The following CFHR3 variants were observed in gnomAD, a reference collection of about 807,000 sequenced individuals.
The protein encoded by CFHR3 is complement factor H-related protein 3.
CFHR3 carries 22 observed loss-of-function variants against 36.0 expected under a neutral mutation model. The ratio of observed to expected loss-of-function variants is 0.61; its 90% CI spans 0.44 to 0.87. The LOEUF is 0.87. CFHR3 is among the 40% of genes least tolerant of loss of function. The pLI, the probability that CFHR3 is intolerant of heterozygous loss-of-function variation, is 0.00. For synonymous variants in CFHR3, 97 were observed against 137.4 expected, an observed-to-expected ratio of 0.71 and a Z score of 2.06; for missense variants, 276 against 401.3, an observed-to-expected ratio of 0.69 and a Z score of 2.67.
chr1:196,778,752 A>G (rs1653830219), intron 1 of CFHR3, among the ~76,000 whole-genome samples: 1 of 136,560 alleles, frequency 7.3e-6, no homozygotes, highest in African/African-American at 3.1e-5. Context: ...TTTCCAAAAA[A>G]CAATTATTGG....
At position 196,794,047 on chromosome 1, in the gene CFHR3, G is replaced by C. The variant is rs555047627; in HGVS notation, c.*534G>C. The C allele has an allele frequency of 8.0e-4, 114 of 143,066 alleles. 17 individuals carry two copies. The highest frequency in any genetic ancestry group is 1.6e-3 in the South Asian group (7 of 4,468). 8.9% of individuals were successfully genotyped at this position (143,066 alleles called of 1,614,324 possible). A position where few individuals can be genotyped will look rare whatever the true frequency, so the allele number is the denominator to read the frequency against. On this transcript the variant is annotated 3_prime_UTR_variant, in exon 6 of 6. Transcript: ENST00000367425. ...ATGATTTAAAGGAAATAGTACTAGA[G>C]AAGGTGAATTATTATCATTTTCCTG... is the stretch of plus-strand genomic sequence containing the variant.
In CFHR3 at chr1:196,793,510, A is replaced by G; in HGVS notation, c.990A>G (p.Glu330=). Residue 330 remains glutamate, a synonymous_variant, in exon 6 of 6, where the codon GAA becomes GAG. Transcript: ENST00000367425. ...GGATAGTGGAATACCCCAGATGCGA[A>G]TAAGGCAGCATTGTTACCCTAAATG... is the stretch of plus-strand genomic sequence containing the variant. ...REGIVEYPRC[E] The G allele has an allele frequency of 6.6e-7, 1 of 1,522,544 alleles. No individual in the cohort carries two copies. The highest frequency in any genetic ancestry group is 8.9e-7 in the Non-Finnish European group (1 of 1,125,722). The allele number at this position is 1,522,544 out of a possible 1,614,324, so 94.3% of individuals were successfully genotyped here. A position where few individuals can be genotyped will look rare whatever the true frequency, so the allele number is the denominator to read the frequency against.
chr1:196,795,349 G>A lies in CFHR3; in HGVS notation c.*1836G>A, dbSNP rs1482378346. 2 of 137,092 alleles carry A rather than the reference G, an allele frequency of 1.5e-5. 1 individual carries two copies. Among genetic ancestry groups the A allele is most frequent in the African/African-American group, 6.1e-5 (2 of 32,774 alleles). The allele number at this position is 137,092 out of a possible 1,614,324, so 8.5% of individuals were successfully genotyped here. On this transcript the variant is annotated 3_prime_UTR_variant, in exon 6 of 6. Coordinates refer to ENST00000367425, the MANE Select transcript of CFHR3 (RefSeq NM_021023.6). ...CTCATTCACCTTCTGTCATGATGGT[G>A]AGGCCTTCCCAGCAATGTGGAACTG...
rs1653822840 is a variant in CFHR3 at position 196,778,565 on chromosome 1, TA to T, written c.59-596del. 1.5e-5 allele frequency among the ~76,000 whole-genome samples: 2 copies of T among 136,688 alleles called. 1 individual carries two copies. The highest frequency in any genetic ancestry group is 6.1e-5 in the African/African-American group (2 of 32,816). The allele number at this position is 136,688 out of a possible 152,430, so 89.7% of individuals were successfully genotyped here. A position where few individuals can be genotyped will look rare whatever the true frequency, so the allele number is the denominator to read the frequency against. On this transcript the variant is annotated intron_variant, in intron 1 of 5. Coordinates refer to ENST00000367425, the MANE Select transcript of CFHR3 (RefSeq NM_021023.6). ...ATATTTGAACATTCGTGTATGCACC[TA>T]TTTTTTTATGTCAATAATATATCTC...
Position 196,779,133 on chromosome 1 carries a change from A to G in CFHR3, c.59-29A>G. 2.8e-6 allele frequency: 4 copies of G among 1,421,398 alleles called. 1 individual carries two copies. The highest frequency in any genetic ancestry group is 3.9e-6 in the Non-Finnish European group (4 of 1,038,666). 88.0% of individuals were successfully genotyped at this position (1,421,398 alleles called of 1,614,324 possible). On this transcript the variant is annotated intron_variant, in intron 1 of 5. Coordinates refer to ENST00000367425, the MANE Select transcript of CFHR3 (RefSeq NM_021023.6). ...TGATTTATTACAGTAAAAATTATTTATACTTTTTTGTTTGTTTTTTATTGC... is the reference window on the plus strand; with the variant it reads ...TGATTTATTACAGTAAAAATTATTTGTACTTTTTTGTTTGTTTTTTATTGC...
At chr1:196,788,112 A>C (rs1654278471) in intron 3 of CFHR3, 104 bp from the exon 4 acceptor site, 1 of 804,972 alleles carries the variant, frequency 1.2e-6, no homozygotes, top group Admixed American at 3.6e-5. Context: ...ATTCATTAAC[A>C]AATGTTTCAT....
rs1240677854 is a variant in CFHR3 at position 196,775,956 on chromosome 1, A to C, written c.58+1012A>C. Among the ~76,000 whole-genome samples, 6 of 132,672 alleles carry C rather than the reference A, an allele frequency of 4.5e-5. 2 individuals are homozygous for C. The highest frequency in any genetic ancestry group is 9.6e-5 in the Non-Finnish European group (6 of 62,758). The allele number at this position is 132,672 out of a possible 152,430, so 87.0% of individuals were successfully genotyped here. A position where few individuals can be genotyped will look rare whatever the true frequency, so the allele number is the denominator to read the frequency against. On this transcript the variant is annotated intron_variant, in intron 1 of 5. Coordinates refer to ENST00000367425, the MANE Select transcript of CFHR3 (RefSeq NM_021023.6). Reference sequence around the variant, plus strand: ...TTTAAGTTTTATAGTATTATCTATCACATGATTTGCTAGTTTTATTTGTTG... The same window carrying C: ...TTTAAGTTTTATAGTATTATCTATCCCATGATTTGCTAGTTTTATTTGTTG...
chr1:196,784,543 T>C (rs188917517), intron 3 of CFHR3, among the ~76,000 whole-genome samples: 3,124 of 136,376 alleles, frequency 0.023, 843 homozygotes, highest in African/African-American at 0.092. Context: ...AATTGATCCC[T>C]TTACCATTAT....
chr1:196,786,582 C>A lies in CFHR3; in HGVS notation c.431-1634C>A, dbSNP rs1236081192. On this transcript the variant is annotated intron_variant, in intron 3 of 5. Transcript: ENST00000367425. ...ACTGCTATGCTAGCAATCAGAGAGA[C>A]TCCGTGGGCATAGGACCCTCTGAGC... 3.7e-5 allele frequency among the ~76,000 whole-genome samples: 5 copies of A among 136,124 alleles called. 2 individuals are homozygous for A. The highest frequency in any genetic ancestry group is 1.5e-4 in the African/African-American group (5 of 32,292). The allele number at this position is 136,124 out of a possible 152,430, so 89.3% of individuals were successfully genotyped here.
At position 196,792,745 on chromosome 1, in the gene CFHR3, G is replaced by C. The variant is rs191842734; in HGVS notation, c.797-572G>C. ...GACAGGGATAGATGATGTTGATAGA[G>C]AGAGAGATAACTGATAGATATTGAG... On this transcript the variant is annotated intron_variant, in intron 5 of 5. Transcript: ENST00000367425. 2.3e-5 allele frequency among the ~76,000 whole-genome samples: 3 copies of C among 130,978 alleles called. No homozygotes were observed. The East Asian group carries it at 6.0e-4, about 26-fold the overall frequency. The allele number at this position is 130,978 out of a possible 152,430, so 85.9% of individuals were successfully genotyped here.
rs1254536088 is a variant in CFHR3, at chr1:196,791,677, G to T, written c.796+1450G>T. On this transcript the variant is annotated intron_variant, in intron 5 of 5. Transcript: ENST00000367425. Reference sequence around the variant, plus strand: ...AGTATCCACTTCTGTAGATGATCATGTCCAAGTTTGAGCTCCAAACTATGC... The same window carrying T: ...AGTATCCACTTCTGTAGATGATCATTTCCAAGTTTGAGCTCCAAACTATGC... 6.8e-5 allele frequency among the ~76,000 whole-genome samples: 9 copies of T among 132,056 alleles called. 2 individuals carry two copies. The highest frequency in any genetic ancestry group is 9.4e-5 in the Non-Finnish European group (6 of 63,548). 86.6% of individuals were successfully genotyped at this position (132,056 alleles called of 152,430 possible).
At position 196,793,361 on chromosome 1, in the gene CFHR3, A is replaced by C. The variant is rs377447533; in HGVS notation, c.841A>C (p.Lys281Gln). The change falls in exon 6 of 6, where the codon AAG (lysine) becomes CAG (glutamine). Residue 281 changes from lysine (K) to glutamine (Q), a missense_variant. Lys to Gln is a moderately conservative substitution (Grantham distance 53, BLOSUM62 1). Transcript: ENST00000367425. ...TEENMNKNNI[K>Q]LKGRSDRKYY... ...AGAAAACATGAATAAAAATAACATA[A>C]AGTTAAAAGGAAGAAGTGACAGAAA... 1.2e-5 allele frequency: 19 copies of C among 1,522,092 alleles called. 3 individuals are homozygous for C. The highest frequency in any genetic ancestry group is 1.7e-5 in the Admixed American group (1 of 57,870). The allele number at this position is 1,522,092 out of a possible 1,614,324, so 94.3% of individuals were successfully genotyped here. A position where few individuals can be genotyped will look rare whatever the true frequency, so the allele number is the denominator to read the frequency against.
Position 196,783,481 on chromosome 1 carries a change from G to T in CFHR3, c.430+3508G>T, listed in dbSNP as rs543821569. On this transcript the variant is annotated intron_variant, in intron 3 of 5. Transcript: ENST00000367425. Reference sequence around the variant, plus strand: ...TATTGATTATTGCCACAATTTCAGAGCCTGTTATTGGTCTATTCAGAGATT... The same window carrying T: ...TATTGATTATTGCCACAATTTCAGATCCTGTTATTGGTCTATTCAGAGATT... Among the ~76,000 whole-genome samples the T allele has an allele frequency of 1.0e-3, 134 of 131,356 alleles. 33 individuals carry two copies. Among genetic ancestry groups the T allele is most frequent in the African/African-American group, 4.2e-3 (126 of 29,800 alleles). The allele number at this position is 131,356 out of a possible 152,430, so 86.2% of individuals were successfully genotyped here.
chr1:196,790,738 TAATAAATAAATAAATAAATAAATAAATA>T lies in CFHR3; in HGVS notation c.796+530_796+557del, dbSNP rs199831934. On this transcript the variant is annotated intron_variant, in intron 5 of 5. Coordinates refer to ENST00000367425, the MANE Select transcript of CFHR3 (RefSeq NM_021023.6). ...GACCCCATCTCCAAAAATAAAAAAA[TAATAAATAAATAAATAAATAAATAAATA>T]AATAAATAAATAAATAAAACAGAAG... Among the ~76,000 whole-genome samples the T allele has an allele frequency of 3.8e-5, 4 of 106,244 alleles. 1 individual carries two copies. The highest frequency in any genetic ancestry group is 1.8e-4 in the African/African-American group (4 of 22,360). 69.7% of individuals were successfully genotyped at this position (106,244 alleles called of 152,430 possible). A position where few individuals can be genotyped will look rare whatever the true frequency, so the allele number is the denominator to read the frequency against.
Position 196,794,416 on chromosome 1 carries a change from T to C in CFHR3, c.*903T>C, listed in dbSNP as rs553649024. Among the ~76,000 whole-genome samples, 9 of 137,360 alleles carry C rather than the reference T, an allele frequency of 6.6e-5. 1 individual carries two copies. Among genetic ancestry groups the C allele is most frequent in the Non-Finnish European group, 1.2e-4 (8 of 64,602 alleles). The allele number at this position is 137,360 out of a possible 152,430, so 90.1% of individuals were successfully genotyped here. ...GGGCAGAGGTTGAACTGAGCCAAGA[T>C]AGTGCCACTGCACTCCAGCCTGGGC... On this transcript the variant is annotated 3_prime_UTR_variant, in exon 6 of 6. Transcript: ENST00000367425.
At chr1:196,784,161 TGA>T (rs1207528445) in intron 3 of CFHR3, among the ~76,000 whole-genome samples, 2 of 136,838 alleles carry the variant, frequency 1.5e-5, no homozygotes, top group African/African-American at 3.1e-5. Context: ...CACTGTGGTC[TGA>T]GAGACAGTTT....
In CFHR3 at chr1:196,788,319, A is replaced by T. The variant is rs1247245302; in HGVS notation, c.534A>T (p.Gly178=). The T allele has an allele frequency of 5.9e-6, 9 of 1,527,068 alleles. No homozygotes were observed. The highest frequency in any genetic ancestry group is 8.0e-6 in the Non-Finnish European group (9 of 1,131,014). 94.6% of individuals were successfully genotyped at this position (1,527,068 alleles called of 1,614,324 possible). A position where few individuals can be genotyped will look rare whatever the true frequency, so the allele number is the denominator to read the frequency against. ...AAATACAATATAAATGTAAACCAGG[A>T]TATGCAACAGCAGATGGAAATTCTT... The part of the protein sequence containing the change: ...NKEIQYKCKP[G]YATADGNSSG... The change falls in exon 4 of 6, where the codon GGA becomes GGT. Residue 178 remains glycine, a synonymous_variant. Transcript: ENST00000367425.
rs1653840401 is a variant in CFHR3, at chr1:196,779,040, A to G, written c.59-122A>G. On this transcript the variant is annotated intron_variant, in intron 1 of 5. Transcript: ENST00000367425. ...GATGAGAGGTCAGGATCAGGAAACT[A>G]GTTATGGTTGCTGTAATTCCACAAG... 3.9e-6 allele frequency: 3 copies of G among 776,012 alleles called. No homozygotes were observed. The Admixed American group carries it at 6.6e-5, about 17-fold the overall frequency. The allele number at this position is 776,012 out of a possible 1,614,324, so 48.1% of individuals were successfully genotyped here.
chr1:196,783,081 T>C (rs1654026754), intron 3 of CFHR3, among the ~76,000 whole-genome samples: 1 of 137,148 alleles, frequency 7.3e-6, no homozygotes, highest in Non-Finnish European at 1.5e-5. Context: ...TTGTCTTTGG[T>C]TCTGTCTATA....
Sources: allele counts gnomAD v4.1 joint callset (sites outside exome capture counted in the v4.1 genomes callset), GRCh38; gene constraint gnomAD v4.1.1; transcripts MANE v1.5; gene names NCBI Gene and HGNC (gene_info 2026-07-23, HGNC 2026-07-21).